Variants in PCMTD2 observed in about 807,000 individuals in gnomAD.
The protein encoded by PCMTD2 is protein-L-isoaspartate O-methyltransferase domain-containing protein 2.
Under a neutral mutation model 33.4 loss-of-function variants are expected in PCMTD2, and 16 were observed. The observed-to-expected ratio is 0.48, with a 90% CI of 0.32 to 0.73. PCMTD2 has a LOEUF of 0.73. Among genes scored for constraint, PCMTD2 ranks in the 30% least tolerant of loss-of-function variants. The pLI, the probability that PCMTD2 is intolerant of heterozygous loss-of-function variation, is 0.03. For synonymous variants in PCMTD2, 161 were observed against 160.8 expected, an observed-to-expected ratio of 1.00 and a Z score of -0.01; for missense variants, 374 against 449.9, an observed-to-expected ratio of 0.83 and a Z score of 1.53.
At chr20:64,264,699 A>C (rs867636625) in intron 3 of PCMTD2, among the ~76,000 whole-genome samples, 168 bp downstream of exon 3, 8 of 152,350 alleles carry the variant, frequency 5.3e-5, no homozygotes, top group African/African-American at 1.9e-4. Context: ...TGAGGGTTTT[A>C]GGGTATTTCA....
intron 4 of PCMTD2, 122 bp downstream of exon 4, chr20:64,265,551 G>A: frequency 1.2e-6 from 1 of 816,244 alleles, no homozygotes; most frequent in Non-Finnish European, 1.9e-6. Flanking sequence ...AACAGAGGCA[G>A]GGACAGGTGA....
rs1425420349 is a variant in PCMTD2 at position 64,265,396 on chromosome 20, G to A, written c.549G>A (p.Val183=). The A allele has an allele frequency of 6.2e-7, 1 of 1,613,060 alleles. No homozygotes were observed. The highest frequency in any genetic ancestry group is 1.7e-5 in the Admixed American group (1 of 59,854). ...AGTACATGAAGAATCTTCTCAAAGT[G>A]GGAGGGATCCTTGTCATGCCACTGG... ...HEEYMKNLLK[V]GGILVMPLEE... The change falls in exon 4 of 6, where the codon GTG becomes GTA. Residue 183 remains valine (V), a synonymous_variant. Coordinates refer to ENST00000308824, the MANE Select transcript of PCMTD2 (RefSeq NM_018257.3).
intron 1 of PCMTD2, chr20:64,258,972 A>C (rs1985279985): frequency 6.6e-6 from 1 of 152,240 alleles, no homozygotes; most frequent in Non-Finnish European, 1.5e-5. Context: ...GAATTAGCTG[A>C]AGCTACCCTG....
At position 64,267,811 on chromosome 20, in the gene PCMTD2, T is replaced by C. The variant is rs920169008; in HGVS notation, c.583-76T>C. The C allele has an allele frequency of 5.9e-6, 7 of 1,185,940 alleles. No homozygotes were observed. The Admixed American group carries it at 1.4e-4, about 25-fold the overall frequency. The allele number at this position is 1,185,940 out of a possible 1,614,324, so 73.5% of individuals were successfully genotyped here. ...TAAGCATTTCTATGTATTTTTATAG[T>C]ATGTATAGGAATGATTAAATATGAG... On this transcript the variant is annotated intron_variant, in intron 4 of 5. Transcript: ENST00000308824.
At chr20:64,256,984 G>A (rs1261081540) in intron 1 of PCMTD2, 2 of 152,154 alleles carry the variant, frequency 1.3e-5, no homozygotes, top group Non-Finnish European at 2.9e-5. Context: ...CGAACCATCC[G>A]AAGTCGGAGA....
At chr20:64,270,196 C>CAT (rs1332988839) in intron 5 of PCMTD2, among the ~76,000 whole-genome samples, 1 of 105,468 alleles carries the variant, frequency 9.5e-6, no homozygotes, top group Non-Finnish European at 1.9e-5. Context: ...GGTGTGGGGT[C>CAT]GTGAGTGCGG....
At chr20:64,260,993 C>G (rs187746793) in intron 2 of PCMTD2, among the ~76,000 whole-genome samples, 78 of 152,196 alleles carry the variant, frequency 5.1e-4, no homozygotes, top group Admixed American at 2.4e-3. Flanking sequence ...CATGCCTGGC[C>G]TACTTTTTTG....
intron 3 of PCMTD2, among the ~76,000 whole-genome samples, chr20:64,264,757 C>T (rs17569873): frequency 0.18 from 27,589 of 152,208 alleles, 2,597 homozygotes; most frequent in African/African-American, 0.2. Context: ...ATTCATGTTT[C>T]CTGTTGAAGA....
intron 4 of PCMTD2, among the ~76,000 whole-genome samples, chr20:64,267,190 C>G (rs1366362445): frequency 6.6e-6 from 1 of 152,148 alleles, no homozygotes; most frequent in African/African-American, 2.4e-5. Flanking sequence ...AGGGTCATGT[C>G]TAATTGTGGT....
chr20:64,260,245 C>G lies in PCMTD2; in HGVS notation c.280C>G (p.Leu94Val). The change falls in exon 2 of 6, where the codon CTC becomes GTC. Residue 94 changes from leucine (L) to valine (V), a missense_variant. Physicochemically the swap from Leu to Val is conservative, Grantham distance 32. Transcript: ENST00000308824. The stretch of plus-strand genomic sequence containing the variant: ...GAACCTGGGCAGTGGCACTGGGTAT[C>G]TCAGCTCCATGGTGGGCCTCATTCT... ...FLNLGSGTGYLSSMVGLILGP... is the reference protein window; with the variant it reads ...FLNLGSGTGYVSSMVGLILGP... The G allele has an allele frequency of 6.2e-7, 1 of 1,612,908 alleles. No homozygotes were observed. The highest frequency in any genetic ancestry group is 8.5e-7 in the Non-Finnish European group (1 of 1,178,878).
chr20:64,256,307 T>A (rs559632877), intron 1 of PCMTD2, among the ~76,000 whole-genome samples: 2 of 152,230 alleles, frequency 1.3e-5, no homozygotes, highest in East Asian at 3.9e-4. Context: ...TTGGAGATAG[T>A]AAGAATTGGA....
intron 2 of PCMTD2, among the ~76,000 whole-genome samples, chr20:64,262,138 C>T (rs1202511041): frequency 6.6e-6 from 1 of 152,060 alleles, no homozygotes; most frequent in African/African-American, 2.4e-5. Context: ...CCTATAATCC[C>T]AGCTACTCAG....
At chr20:64,272,751 C>T (rs1233886167) in intron 5 of PCMTD2, among the ~76,000 whole-genome samples, 2 of 152,062 alleles carry the variant, frequency 1.3e-5, no homozygotes, top group African/African-American at 2.4e-5. Context: ...ACCCAGGAGA[C>T]GGAGGTTGCA....
rs1168110132 is a variant in PCMTD2, at chr20:64,265,003, TTG to T, written c.411-250_411-249del. 2.0e-5 allele frequency among the ~76,000 whole-genome samples: 3 copies of T among 152,242 alleles called. No individual in the cohort carries two copies. In the East Asian group the frequency reaches 5.8e-4, roughly 29 times the overall value. ...TGACAGAGACAGCAGCGACTGGAGA[TTG>T]TGTGAAATTTGGATAAAACTTTTGA... On this transcript the variant is annotated intron_variant, in intron 3 of 5. Coordinates refer to ENST00000308824, the MANE Select transcript of PCMTD2 (RefSeq NM_018257.3).
At chr20:64,263,709 C>T (rs1346008188) in intron 2 of PCMTD2, among the ~76,000 whole-genome samples, 1 of 152,146 alleles carries the variant, frequency 6.6e-6, no homozygotes, top group East Asian at 1.9e-4. Flanking sequence ...TCCCATGCCC[C>T]CTCCTCCTCC....
intron 4 of PCMTD2, among the ~76,000 whole-genome samples, chr20:64,267,448 C>T (rs1169073962): frequency 6.6e-6 from 1 of 152,142 alleles, no homozygotes. Context: ...CAGGACTTAG[C>T]CACCCTCCCA....
intron 1 of PCMTD2, among the ~76,000 whole-genome samples, chr20:64,259,091 C>T (rs1985283950): frequency 6.6e-6 from 1 of 152,144 alleles, no homozygotes; most frequent in Admixed American, 6.5e-5. Flanking sequence ...GCTGGGAAAG[C>T]TGCGTATCAT....
chr20:64,262,259 G>C (rs528446587), intron 2 of PCMTD2, among the ~76,000 whole-genome samples: 1 of 139,718 alleles, frequency 7.2e-6, no homozygotes, highest in East Asian at 2.1e-4. Context: ...ATCTCAAAAA[G>C]AAAAAAAAAA....
chr20:64,266,508 C>G (rs73626474), intron 4 of PCMTD2, among the ~76,000 whole-genome samples: 41 of 152,266 alleles, frequency 2.7e-4, no homozygotes, highest in African/African-American at 9.4e-4. Flanking sequence ...CCGCCCACCT[C>G]GGCCTCCCAA....
Sources: allele counts gnomAD v4.1 joint callset (sites outside exome capture counted in the v4.1 genomes callset), GRCh38; gene constraint gnomAD v4.1.1; transcripts MANE v1.5; gene names NCBI Gene and HGNC (gene_info 2026-07-23, HGNC 2026-07-21).